Variants in KCTD2 observed in about 807,000 individuals in gnomAD.
KCTD2 encodes potassium channel tetramerization domain containing 2, also known as BTB/POZ domain-containing protein KCTD2.
KCTD2 carries 18 observed loss-of-function variants against 27.9 expected under a neutral mutation model. That is an observed-to-expected ratio of 0.64 (90% CI 0.45 to 0.96). KCTD2 has a LOEUF of 0.96. Among genes scored for constraint, KCTD2 ranks in the 40% least tolerant of loss-of-function variants. The pLI is 0.00. For missense variants in KCTD2, 280 were observed against 348.0 expected (o/e 0.80, Z 1.56); for synonymous variants, 175 against 148.4 (o/e 1.18, Z -1.30).
In KCTD2 at chr17:75,047,570, C is replaced by G. The variant is rs144466941; in HGVS notation, c.320C>G (p.Pro107Arg). ...FLCRLCCQED[P>R]ELDSDKDETG... ...TGCCGCCTCTGCTGCCAGGAGGACC[C>G]GGAGCTGGACTCAGACAAGGTGTGC... Residue 107 changes from proline to arginine, a missense_variant, in exon 1 of 6, where the codon CCG becomes CGG. Coordinates refer to ENST00000322444, the MANE Select transcript of KCTD2 (RefSeq NM_015353.3). 1.2e-6 allele frequency: 2 copies of G among 1,610,176 alleles called. No homozygotes were observed. Among genetic ancestry groups the G allele is most frequent in the East Asian group, 2.2e-5 (1 of 44,606 alleles).
rs1048130148 is a variant in KCTD2, at chr17:75,063,381, C to T, written c.*334C>T. The T allele has an allele frequency of 2.8e-6, 1 of 355,970 alleles. No homozygotes were observed. Among genetic ancestry groups the T allele is most frequent in the Non-Finnish European group, 5.3e-6 (1 of 187,978 alleles). 22.1% of individuals were successfully genotyped at this position (355,970 alleles called of 1,614,324 possible). On this transcript the variant is annotated 3_prime_UTR_variant, in exon 6 of 6. Coordinates refer to ENST00000322444, the MANE Select transcript of KCTD2 (RefSeq NM_015353.3). ...GGGATGAGGGCGGAAGGCCTAGCTC[C>T]TTGGAAATGGCCTGTACTTTAAGGA...
intron 4 of KCTD2, among the ~76,000 whole-genome samples, chr17:75,060,333 G>C (rs2073391205): frequency 6.6e-6 from 1 of 151,640 alleles, no homozygotes; most frequent in Non-Finnish European, 1.5e-5. Flanking sequence ...CCCACAAGCT[G>C]TGGTGTCCAC....
chr17:75,059,392 A>G (rs1176518314), intron 3 of KCTD2, 118 bp from the exon 4 acceptor site: 1 of 551,116 alleles, frequency 1.8e-6, no homozygotes, highest in Non-Finnish European at 3.1e-6. Flanking sequence ...GTGGCTGCCA[A>G]GAAAAGATTT....
chr17:75,060,637 C>T (rs1458055888), intron 4 of KCTD2: 8 of 1,565,400 alleles, frequency 5.1e-6, no homozygotes, highest in South Asian at 2.3e-5. Context: ...GGGCGCGTGG[C>T]GAGTGGGCCC....
intron 3 of KCTD2, among the ~76,000 whole-genome samples, chr17:75,057,718 C>T (rs1040469334): frequency 2.6e-5 from 4 of 151,886 alleles, no homozygotes; most frequent in Non-Finnish European, 5.9e-5. Context: ...TGCCACCTCA[C>T]CTGGCTAATT....
Position 75,059,572 on chromosome 17 carries a change from G to A in KCTD2, c.603G>A (p.Val201=). The change falls in exon 4 of 6, where the codon GTG becomes GTA. Residue 201 remains valine (V), a synonymous_variant. Coordinates refer to ENST00000322444, the MANE Select transcript of KCTD2 (RefSeq NM_015353.3). ...QCQEEELTQM[V]STMSDGWKFE... ...AGGAAGAAGAGCTCACGCAGATGGT[G>A]TCCACGATGTCCGACGGCTGGAAAT... is the stretch of plus-strand genomic sequence containing the variant. 6.2e-7 allele frequency: 1 copy of A among 1,614,126 alleles called. No homozygotes were observed. The highest frequency in any genetic ancestry group is 8.5e-7 in the Non-Finnish European group (1 of 1,179,996).
intron 3 of KCTD2, chr17:75,039,099 CAG>C: frequency 6.2e-7 from 1 of 1,612,844 alleles, no homozygotes; most frequent in Non-Finnish European, 8.5e-7. Flanking sequence ...TTAATGTAAA[CAG>C]AGACGGAAAG....
upstream of KCTD2, chr17:75,047,167 C>T: frequency 2.6e-6 from 1 of 380,256 alleles, no homozygotes; most frequent in Non-Finnish European, 4.2e-6. Flanking sequence ...CCACCCCCGC[C>T]GATGGGCCGG....
At position 75,062,684 on chromosome 17, in the gene KCTD2, AC is replaced by A. The variant is rs371967820; in HGVS notation, c.763-328del. On this transcript the variant is annotated intron_variant, in intron 5 of 5. Transcript: ENST00000322444. Reference sequence around the variant, plus strand: ...ACTGTTTCTTTTCCCTCCACTGTGCACCCCCCTCACCCCCAACACACACACA... The same window carrying A: ...ACTGTTTCTTTTCCCTCCACTGTGCACCCCCTCACCCCCAACACACACACA... Among the ~76,000 whole-genome samples the A allele has an allele frequency of 1.1e-3, 123 of 115,748 alleles. 1 individual carries two copies. Among genetic ancestry groups the A allele is most frequent in the African/African-American group, 3.9e-3 (116 of 29,864 alleles). 75.9% of individuals were successfully genotyped at this position (115,748 alleles called of 152,430 possible).
At chr17:75,046,666 G>A (rs998435014), upstream of KCTD2, among the ~76,000 whole-genome samples, 1 of 152,258 alleles carries the variant, frequency 6.6e-6, no homozygotes, top group African/African-American at 2.4e-5. Flanking sequence ...CGGACTGCAC[G>A]AGACACGGCT....
At position 75,047,338 on chromosome 17, in the gene KCTD2, G is replaced by A. The variant is rs2073234251; in HGVS notation, c.88G>A (p.Gly30Arg). 2 of 1,156,404 alleles carry A rather than the reference G, an allele frequency of 1.7e-6. No individual in the cohort carries two copies. Among genetic ancestry groups the A allele is most frequent in the African/African-American group, 1.6e-5 (1 of 61,208 alleles). 71.6% of individuals were successfully genotyped at this position (1,156,404 alleles called of 1,614,324 possible). A position where few individuals can be genotyped will look rare whatever the true frequency, so the allele number is the denominator to read the frequency against. ...GGGCGACGGGGGTGGCCCAGTCCGC[G>A]GGCCCCCCAGCCCACGCCCGGCTGG... ...GVGDGGGPVR[G>R]PPSPRPAGPT... Residue 30 changes from glycine to arginine, a missense_variant, in exon 1 of 6, where the codon GGG becomes AGG. Gly to Arg is a moderately radical substitution (Grantham distance 125). Coordinates refer to ENST00000322444, the MANE Select transcript of KCTD2 (RefSeq NM_015353.3).
Position 75,063,205 on chromosome 17 carries a change from C to A in KCTD2, c.*158C>A. On this transcript the variant is annotated 3_prime_UTR_variant, in exon 6 of 6. Transcript: ENST00000322444. ...TTCTGGTCAAAACTAAAGGAACTCC[C>A]TCCCCACCTGCAGGACTCCGAAGAC... The A allele has an allele frequency of 1.4e-6, 1 of 703,882 alleles. No individual in the cohort carries two copies. The highest frequency in any genetic ancestry group is 1.6e-5 in the South Asian group (1 of 61,882). 43.6% of individuals were successfully genotyped at this position (703,882 alleles called of 1,614,324 possible).
chr17:75,061,819 T>G (rs2073406264), intron 4 of KCTD2, among the ~76,000 whole-genome samples: 1 of 152,102 alleles, frequency 6.6e-6, no homozygotes, highest in East Asian at 1.9e-4. Flanking sequence ...CTGTCTTCCC[T>G]TGCTGTGCTC....
At chr17:75,053,663 G>A (rs961623607) in intron 3 of KCTD2, among the ~76,000 whole-genome samples, 3 of 151,622 alleles carry the variant, frequency 2.0e-5, no homozygotes, top group Admixed American at 6.6e-5. Flanking sequence ...GGCTGGTCTC[G>A]AACTCCCGAC....
upstream of KCTD2, chr17:75,046,879 G>A (rs1383706300): frequency 6.5e-6 from 1 of 153,300 alleles, no homozygotes; most frequent in Non-Finnish European, 1.5e-5. Context: ...GGGCAGAGCA[G>A]AGGAGCCCTC....
At chr17:75,050,762 G>C (rs1410793138) in intron 2 of KCTD2, among the ~76,000 whole-genome samples, 1 of 152,068 alleles carries the variant, frequency 6.6e-6, no homozygotes, top group Admixed American at 6.5e-5. Context: ...AAAAGAGCAA[G>C]AATAACACAG....
chr17:75,044,367 G>A (rs111538698), upstream of KCTD2, among the ~76,000 whole-genome samples: 78 of 115,092 alleles, frequency 6.8e-4, 9 homozygotes, highest in African/African-American at 5.2e-4. Context: ...CACCGCGCCC[G>A]GCTAATTTTT....
intron 2 of KCTD2, among the ~76,000 whole-genome samples, chr17:75,052,531 G>C (rs945288312): frequency 6.6e-6 from 1 of 152,262 alleles, no homozygotes; most frequent in African/African-American, 2.4e-5. Flanking sequence ...AGACCAGCCT[G>C]ACCAACATGA....
At chr17:75,038,700 C>T (rs970123312) in intron 3 of KCTD2, among the ~76,000 whole-genome samples, 16 of 152,120 alleles carry the variant, frequency 1.1e-4, no homozygotes, top group Admixed American at 2.0e-4. Flanking sequence ...TTCAGCAGTC[C>T]TGGGGCCTCA....
Sources: allele counts gnomAD v4.1 joint callset (sites outside exome capture counted in the v4.1 genomes callset), GRCh38; gene constraint gnomAD v4.1.1; transcripts MANE v1.5; gene names NCBI Gene and HGNC (gene_info 2026-07-23, HGNC 2026-07-21).